ARHGAP10: variants seen among roughly 807,000 people sequenced by gnomAD.
The protein encoded by ARHGAP10 is rho GTPase-activating protein 10.
Under a neutral mutation model 108.6 loss-of-function variants are expected in ARHGAP10, and 87 were observed. That is an observed-to-expected ratio of 0.80 (90% CI 0.67 to 0.96). The LOEUF (loss-of-function observed/expected upper bound fraction) is 0.96, where lower values mean the gene tolerates loss of function less well. Among genes scored for constraint, ARHGAP10 ranks in the 40% least tolerant of loss-of-function variants. The pLI, the probability that ARHGAP10 is intolerant of heterozygous loss-of-function variation, is 0.00. For missense variants in ARHGAP10, 939 were observed against 954.5 expected, an observed-to-expected ratio of 0.98 and a Z score of 0.21; for synonymous variants, 347 against 341.1, an observed-to-expected ratio of 1.02 and a Z score of -0.19.
intron 5 of ARHGAP10, 72 bp downstream of exon 5, chr4:147,857,726 T>C: frequency 8.1e-7 from 1 of 1,233,024 alleles, no homozygotes; most frequent in Non-Finnish European, 1.1e-6. Context: ...AAATGTGCTT[T>C]AATTTGGATA....
intron 6 of ARHGAP10, 168 bp from the exon 7 acceptor site, chr4:147,866,544 A>C (rs1176278645): frequency 3.7e-6 from 2 of 546,652 alleles, no homozygotes; most frequent in Non-Finnish European, 6.5e-6. Context: ...AGACCAATTA[A>C]TAGATAATAT....
chr4:147,933,090 G>C (rs1271473089), intron 13 of ARHGAP10, among the ~76,000 whole-genome samples: 2 of 152,116 alleles, frequency 1.3e-5, no homozygotes, highest in African/African-American at 2.4e-5. Flanking sequence ...CTTGAAGTTT[G>C]TTGAGAAGGA....
At chr4:148,039,762 G>T (rs930145133) in intron 19 of ARHGAP10, among the ~76,000 whole-genome samples, 2 of 151,886 alleles carry the variant, frequency 1.3e-5, no homozygotes, top group Non-Finnish European at 2.9e-5. Context: ...TTACGTGCAG[G>T]ATTTTCCTTA....
chr4:148,064,513 T>G lies in ARHGAP10; in HGVS notation c.2272+6T>G, dbSNP rs762208423. ...AGGAGCAATTTTTGAGGATGGTAAG[T>G]GTTAGTGGGAGCTTCGTCTGTTAAT... is the stretch of plus-strand genomic sequence containing the variant. On this transcript the variant is annotated splice_donor_region_variant and intron_variant, in intron 22 of 22. Coordinates refer to ENST00000336498, the MANE Select transcript of ARHGAP10 (RefSeq NM_024605.4). 1 of 1,612,780 alleles carries G rather than the reference T, an allele frequency of 6.2e-7. No homozygotes were observed. The highest frequency in any genetic ancestry group is 2.2e-5 in the East Asian group (1 of 44,862).
At chr4:147,738,884 C>T (rs768873210) in intron 1 of ARHGAP10, among the ~76,000 whole-genome samples, 1 of 151,956 alleles carries the variant, frequency 6.6e-6, no homozygotes, top group African/African-American at 2.4e-5. Flanking sequence ...GCTGGAAAAT[C>T]TTGAAAACAC....
intron 15 of ARHGAP10, among the ~76,000 whole-genome samples, chr4:147,947,227 C>CTTT (rs34782915): frequency 6.9e-5 from 7 of 101,602 alleles, no homozygotes; most frequent in South Asian, 3.3e-4. Context: ...GAGTCACTGT[C>CTTT]TTTTTTTTTT....
At chr4:148,043,651 ATT>A (rs61064255) in intron 19 of ARHGAP10, among the ~76,000 whole-genome samples, 1 of 110,758 alleles carries the variant, frequency 9.0e-6, no homozygotes, top group Non-Finnish European at 1.9e-5. Context: ...ATATATATAT[ATT>A]TTAGGTGTAT....
chr4:147,861,720 A>C (rs1734329845), intron 5 of ARHGAP10: 1 of 152,268 alleles, frequency 6.6e-6, no homozygotes, highest in African/African-American at 2.4e-5. Context: ...TCCTTTCCAC[A>C]GGCAGGTCAT....
rs570059337 is a variant in ARHGAP10, at chr4:148,061,074, C to T, written c.2028-2074C>T. On this transcript the variant is annotated intron_variant, in intron 20 of 22. Coordinates refer to ENST00000336498, the MANE Select transcript of ARHGAP10 (RefSeq NM_024605.4). ...CTAAACAAACACACCCACCCACCCGCGGGTGTTTTCATGGAGGTTTCCTTT... is the reference window on the plus strand; with the variant it reads ...CTAAACAAACACACCCACCCACCCGTGGGTGTTTTCATGGAGGTTTCCTTT... Among the ~76,000 whole-genome samples, 5 of 149,994 alleles carry T rather than the reference C, an allele frequency of 3.3e-5. No homozygotes were observed. In the South Asian group the frequency reaches 6.4e-4, roughly 19 times the overall value.
intron 12 of ARHGAP10, 107 bp downstream of exon 12, chr4:147,909,884 A>T: frequency 9.4e-7 from 1 of 1,066,586 alleles, no homozygotes; most frequent in Non-Finnish European, 1.4e-6. Flanking sequence ...TGCACCCTCT[A>T]TTAGACAGAG....
At chr4:148,038,867 C>T (rs1728496339) in intron 19 of ARHGAP10, among the ~76,000 whole-genome samples, 1 of 152,184 alleles carries the variant, frequency 6.6e-6, no homozygotes, top group Admixed American at 6.5e-5. Context: ...TTGCTGCCTT[C>T]TCTTCAAAGA....
chr4:147,805,391 A>T (rs756043873), intron 1 of ARHGAP10, among the ~76,000 whole-genome samples: 5 of 152,136 alleles, frequency 3.3e-5, no homozygotes, highest in Admixed American at 6.6e-5. Flanking sequence ...GTACAATTTG[A>T]AGTCAGGAAA....
chr4:148,026,119 A>G (rs1027743034), intron 19 of ARHGAP10, among the ~76,000 whole-genome samples: 2 of 152,188 alleles, frequency 1.3e-5, no homozygotes, highest in Non-Finnish European at 2.9e-5. Context: ...CTTCAGGCCT[A>G]TGATTTGGTC....
chr4:147,927,200 A>G (rs1737498475), intron 13 of ARHGAP10, among the ~76,000 whole-genome samples: 1 of 152,204 alleles, frequency 6.6e-6, no homozygotes, highest in Admixed American at 6.5e-5. Flanking sequence ...ACAAAGTTTA[A>G]AAGTTTGAGA....
At chr4:147,810,821 C>T (rs1232184055) in intron 1 of ARHGAP10, among the ~76,000 whole-genome samples, 4 of 152,192 alleles carry the variant, frequency 2.6e-5, no homozygotes, top group African/African-American at 9.6e-5. Context: ...GGGAATCTTC[C>T]TAAAGCCATC....
At chr4:147,819,598 A>T (rs1732397100) in intron 1 of ARHGAP10, among the ~76,000 whole-genome samples, 1 of 151,596 alleles carries the variant, frequency 6.6e-6, no homozygotes, top group Non-Finnish European at 1.5e-5. Context: ...CCCAGGCTGG[A>T]GTTCAGTGGC....
chr4:147,936,495 A>AT (rs1263983192), intron 13 of ARHGAP10, among the ~76,000 whole-genome samples: 4 of 150,232 alleles, frequency 2.7e-5, no homozygotes, highest in Non-Finnish European at 5.9e-5. Flanking sequence ...TGCCCGGCTA[A>AT]TTTTTTTGTA....
At chr4:148,023,042 A>T (rs1377564133) in intron 18 of ARHGAP10, 2 of 464,200 alleles carry the variant, frequency 4.3e-6, no homozygotes, top group Middle Eastern at 5.8e-4. Flanking sequence ...TAACAATCTG[A>T]TGTTGTTTTG....
rs1363066609 is a variant in ARHGAP10, at chr4:147,732,407, A to AT, written c.107dup (p.Lys37GlnfsTer5). 1 of 1,613,022 alleles carries AT rather than the reference A, an allele frequency of 6.2e-7. No individual in the cohort carries two copies. The highest frequency in any genetic ancestry group is 8.5e-7 in the Non-Finnish European group (1 of 1,179,566). ...GGAACTCGAGAGGACCAACAAGTTC[A>AT]TCAAAGAGCTCATTAAGGACGGGAA... On this transcript the variant is annotated frameshift_variant, in exon 1 of 23. Transcript: ENST00000336498. LOFTEE classifies it high-confidence loss of function.
Sources: allele counts gnomAD v4.1 joint callset (sites outside exome capture counted in the v4.1 genomes callset), GRCh38; gene constraint gnomAD v4.1.1; transcripts MANE v1.5; gene names NCBI Gene and HGNC (gene_info 2026-07-23, HGNC 2026-07-21).